Variants in UCP3 observed in about 807,000 individuals in gnomAD.
UCP3 encodes the protein putative mitochondrial transporter UCP3.
In UCP3, 24 loss-of-function variants were observed where a neutral mutation model predicts 28.1. That is an observed-to-expected ratio of 0.85 (90% CI 0.62 to 1.20). UCP3 has a LOEUF of 1.20. Among genes scored for constraint, UCP3 ranks in the 50% most tolerant of loss-of-function variants. The probability of loss-of-function intolerance (pLI) is 0.00; values close to 1 mark genes in which losing one functional copy is unlikely to be tolerated. For missense variants in UCP3, 397 were observed against 422.2 expected (o/e 0.94, Z 0.52); for synonymous variants, 184 against 171.2 (o/e 1.07, Z -0.59).
chr11:74,001,674 TC>T (rs759192281), intron 6 of UCP3, 148 bp from the exon 7 acceptor site: 26 of 685,634 alleles, frequency 3.8e-5, no homozygotes, highest in Non-Finnish European at 4.7e-5. Flanking sequence ...TCTCTCTCTC[TC>T]TTTTTTTTTT....
rs79530724 is a variant in UCP3, at chr11:74,003,092, G to A, written c.824+735C>T. The A allele has an allele frequency of 3.0e-4, 94 of 318,296 alleles. 2 individuals carry two copies. In the East Asian group the frequency reaches 0.014, roughly 48 times the overall value. 19.7% of individuals were successfully genotyped at this position (318,296 alleles called of 1,614,324 possible). On this transcript the variant is annotated intron_variant, in intron 6 of 6. Coordinates refer to ENST00000314032, the MANE Select transcript of UCP3 (RefSeq NM_003356.4). ...CAGTTCAAGGGGCTGTTGGGATAAC[G>A]TGTGTAAAGTGCTCAGCACGAGGCC... is the stretch of plus-strand genomic sequence containing the variant.
Position 74,001,523 on chromosome 11 carries a change from A to G in UCP3, c.828T>C (p.Phe276=). 6.2e-7 allele frequency: 1 copy of G among 1,614,148 alleles called. No individual in the cohort carries two copies. The highest frequency in any genetic ancestry group is 8.5e-7 in the Non-Finnish European group (1 of 1,180,018). Residue 276 remains phenylalanine (F), a synonymous_variant, in exon 7 of 7, where the codon TTT becomes TTC. Transcript: ENST00000314032. ...QEGPTAFYKG[F]TPSFLRLGSW... ...ATCCCAAACGCAAAAAGGAGGGTGT[A>G]AATCTGATAAGAAAAACAACCAACA... is the stretch of plus-strand genomic sequence containing the variant.
chr11:74,005,658 G>C (rs906137556), intron 4 of UCP3, 72 bp downstream of exon 4: 5 of 1,557,380 alleles, frequency 3.2e-6, no homozygotes, highest in Non-Finnish European at 8.8e-7. Context: ...CCTCCTTACT[G>C]GGGTCCCTGC....
chr11:74,007,340 C>T, intron 1 of UCP3: 2 of 413,440 alleles, frequency 4.8e-6, no homozygotes, highest in South Asian at 4.7e-5. Flanking sequence ...CCCTCCCCTC[C>T]TTACCAGGGG....
chr11:74,007,184 G>A (rs916721185), intron 1 of UCP3, 47 bp from the exon 2 acceptor site: 1 of 1,138,324 alleles, frequency 8.8e-7, no homozygotes, highest in Non-Finnish European at 1.2e-6. Context: ...TGTCTGGCCT[G>A]GCTCCCAGGA....
At chr11:74,004,459 G>A (rs745968021) in intron 5 of UCP3, 25 bp downstream of exon 5, 2 of 1,610,872 alleles carry the variant, frequency 1.2e-6, no homozygotes, top group South Asian at 2.2e-5. Context: ...AGGGAGAGCT[G>A]CCTGCCTGGA....
intron 4 of UCP3, 114 bp downstream of exon 4, chr11:74,005,616 A>G: frequency 8.3e-7 from 1 of 1,209,154 alleles, no homozygotes; most frequent in African/African-American, 1.5e-5. Flanking sequence ...ATGTTCTTTC[A>G]GAATCACTGG....
At chr11:74,004,979 C>T (rs572488103) in intron 4 of UCP3, among the ~76,000 whole-genome samples, 4 of 152,304 alleles carry the variant, frequency 2.6e-5, no homozygotes, top group Admixed American at 6.5e-5. Context: ...GCCAGCAGGG[C>T]CCTAGGAAAC....
At chr11:74,006,783 G>T in intron 2 of UCP3, 134 bp downstream of exon 2, 5 of 1,413,024 alleles carry the variant, frequency 3.5e-6, no homozygotes, top group South Asian at 1.2e-5. Context: ...GGCAAGGAAG[G>T]GTCCTAAGCA....
chr11:74,001,490 G>A lies in UCP3; in HGVS notation c.861C>T (p.Asn287=), dbSNP rs528438966. The part of the protein sequence containing the change: ...TPSFLRLGSW[N]VVMFVTYEQL... ...GCTCATAGGTTACGAACATCACCAC[G>A]TTCCAGGATCCCAAACGCAAAAAGG... The change falls in exon 7 of 7, where the codon AAC becomes AAT. Residue 287 remains asparagine (N), a synonymous_variant. Coordinates refer to ENST00000314032, the MANE Select transcript of UCP3 (RefSeq NM_003356.4). 5.6e-6 allele frequency: 9 copies of A among 1,614,076 alleles called. No individual in the cohort carries two copies. The highest frequency in any genetic ancestry group is 4.5e-5 in the East Asian group (2 of 44,886).
Position 74,005,777 on chromosome 11 carries a change from G to T in UCP3, c.494C>A (p.Ala165Asp). The change falls in exon 4 of 7, where the codon GCC becomes GAC. Residue 165 changes from alanine to aspartate, a missense_variant. By Grantham distance (126) the Ala-to-Asp change is moderately radical. Coordinates refer to ENST00000314032, the MANE Select transcript of UCP3 (RefSeq NM_003356.4). ...SDRKYSGTMD[A>D]YRTIAREEGV... The stretch of plus-strand genomic sequence containing the variant: ...TTCCTCCCTGGCGATGGTTCTGTAG[G>T]CGTCCATAGTCCCGCTGTATTTTCT... The T allele has an allele frequency of 3.1e-6, 5 of 1,614,174 alleles. No homozygotes were observed. The highest frequency in any genetic ancestry group is 4.2e-6 in the Non-Finnish European group (5 of 1,180,040).
chr11:74,006,523 G>A lies in UCP3; in HGVS notation c.127-144C>T, dbSNP rs145517614. ...CACAGTAGAAATCACTGGTGTCTGC[G>A]CAGCATTTTACCATTCACAAAGCAG... On this transcript the variant is annotated intron_variant, in intron 2 of 6. Transcript: ENST00000314032. The A allele has an allele frequency of 2.4e-4, 194 of 802,826 alleles. 2 individuals carry two copies. In the East Asian group the frequency reaches 4.8e-3, roughly 20 times the overall value. 49.7% of individuals were successfully genotyped at this position (802,826 alleles called of 1,614,324 possible). A position where few individuals can be genotyped will look rare whatever the true frequency, so the allele number is the denominator to read the frequency against.
In UCP3 at chr11:74,002,845, C is replaced by T. The variant is rs949378706; in HGVS notation, c.824+982G>A. On this transcript the variant is annotated intron_variant, in intron 6 of 6. Transcript: ENST00000314032. ...CTCTTGTTCACTTGTTGGGTCCATT[C>T]TAACACTGGGCACCAAAAAACTCTC... The T allele has an allele frequency of 7.1e-6, 7 of 985,318 alleles. No homozygotes were observed. The African/African-American group carries it at 1.2e-4, about 17-fold the overall frequency. The allele number at this position is 985,318 out of a possible 1,614,324, so 61.0% of individuals were successfully genotyped here. A position where few individuals can be genotyped will look rare whatever the true frequency, so the allele number is the denominator to read the frequency against.
chr11:74,003,599 T>G, intron 6 of UCP3: 1 of 1,294,188 alleles, frequency 7.7e-7, no homozygotes, highest in Non-Finnish European at 9.8e-7. Flanking sequence ...GGCAGTACTT[T>G]TACCTATTCC....
chr11:74,006,466 C>T lies in UCP3; in HGVS notation c.127-87G>A. ...AGGAACCCTGCTGGGGCTGGGCCTGCCTGGGCTGGGCCTGAGAACAACCAT... is the reference window on the plus strand; with the variant it reads ...AGGAACCCTGCTGGGGCTGGGCCTGTCTGGGCTGGGCCTGAGAACAACCAT... On this transcript the variant is annotated intron_variant, in intron 2 of 6. Transcript: ENST00000314032. The T allele has an allele frequency of 5.9e-6, 8 of 1,358,312 alleles. No homozygotes were observed. The South Asian group carries it at 1.2e-4, about 20-fold the overall frequency. 84.1% of individuals were successfully genotyped at this position (1,358,312 alleles called of 1,614,324 possible).
rs1198090302 is a variant in UCP3, at chr11:74,006,456, G to GCTGGGC, written c.127-83_127-78dup. Reference sequence around the variant, plus strand: ...CTGCGTGCACAGGAACCCTGCTGGGGCTGGGCCTGCCTGGGCTGGGCCTGA... The same window carrying GCTGGGC: ...CTGCGTGCACAGGAACCCTGCTGGGGCTGGGCCTGGGCCTGCCTGGGCTGGGCCTGA... On this transcript the variant is annotated intron_variant, in intron 2 of 6. Coordinates refer to ENST00000314032, the MANE Select transcript of UCP3 (RefSeq NM_003356.4). 2.8e-6 allele frequency: 4 copies of GCTGGGC among 1,404,598 alleles called. No individual in the cohort carries two copies. In the African/African-American group the frequency reaches 4.3e-5, roughly 15 times the overall value. The allele number at this position is 1,404,598 out of a possible 1,614,324, so 87.0% of individuals were successfully genotyped here. A position where few individuals can be genotyped will look rare whatever the true frequency, so the allele number is the denominator to read the frequency against.
At chr11:74,004,635 A>G in intron 4 of UCP3, 50 bp from the exon 5 acceptor site, 3 of 1,541,010 alleles carry the variant, frequency 1.9e-6, no homozygotes. Flanking sequence ...GGAGGGAGGA[A>G]TGGGAAATGG....
chr11:74,004,840 GGCCA>G (rs1591235750), intron 4 of UCP3, among the ~76,000 whole-genome samples: 1 of 152,188 alleles, frequency 6.6e-6, no homozygotes, highest in East Asian at 1.9e-4. Context: ...GTGTTCATTT[GGCCA>G]CATTTGGAGG....
intron 1 of UCP3, among the ~76,000 whole-genome samples, chr11:74,007,739 T>C (rs1292380758): frequency 6.6e-6 from 1 of 152,090 alleles, no homozygotes; most frequent in African/African-American, 2.4e-5. Context: ...CAGACTCAGG[T>C]CAAAAGCCCA....
Sources: gnomAD v4.1 joint callset for allele counts (sites outside exome capture counted in the v4.1 genomes callset) on GRCh38, gnomAD v4.1.1 for gene constraint, MANE v1.5 for transcripts, NCBI Gene and HGNC (gene_info 2026-07-23, HGNC 2026-07-21) for gene names.